DIP2C: variants seen among roughly 807,000 people sequenced by gnomAD.
The protein encoded by DIP2C is disco-interacting protein 2 homolog C.
DIP2C carries 33 observed loss-of-function variants against 192.4 expected under a neutral mutation model. That is an observed-to-expected ratio of 0.17 (90% CI 0.13 to 0.23). The LOEUF is 0.23. Ranked by LOEUF, DIP2C falls within the 10% of genes least tolerant of loss-of-function variation. The probability of loss-of-function intolerance (pLI) is 1.00; values close to 1 mark genes in which losing one functional copy is unlikely to be tolerated. For synonymous variants in DIP2C, 979 were observed against 864.1 expected (o/e 1.13, Z -2.33); for missense variants, 1,537 against 2,110.1 (o/e 0.73, Z 5.32).
intron 1 of DIP2C, among the ~76,000 whole-genome samples, chr10:500,465 G>A (rs962415996): frequency 2.0e-4 from 31 of 152,338 alleles, no homozygotes; most frequent in Middle Eastern, 3.4e-3. Context: ...AACACTGTAC[G>A]TGCCTAGGTT....
chr10:686,213 G>C (rs1040204948), intron 1 of DIP2C, among the ~76,000 whole-genome samples: 2 of 152,168 alleles, frequency 1.3e-5, no homozygotes, highest in African/African-American at 4.8e-5. Flanking sequence ...ACCCTCCCCA[G>C]AATGGAGCTC....
At chr10:356,378 T>C (rs1399081091) in intron 24 of DIP2C, 48 bp downstream of exon 24, 2 of 1,599,960 alleles carry the variant, frequency 1.3e-6, no homozygotes, top group Non-Finnish European at 1.7e-6. Context: ...GGAACCAGGC[T>C]AGGCCCCTTG....
chr10:679,463 C>CCTCCCTACACCCATG (rs1831034119), intron 1 of DIP2C, among the ~76,000 whole-genome samples: 3 of 100,410 alleles, frequency 3.0e-5, no homozygotes, highest in Non-Finnish European at 5.8e-5. Flanking sequence ...CTGCACCCGT[C>CCTCCCTACACCCATG]CTCCCCACAC....
Position 462,267 on chromosome 10 carries a change from AATAG to A in DIP2C, c.268+10168_268+10171del, listed in dbSNP as rs1367848828. Among the ~76,000 whole-genome samples, 68 of 152,310 alleles carry A rather than the reference AATAG, an allele frequency of 4.5e-4. 1 individual carries two copies. Among genetic ancestry groups the A allele is most frequent in the Middle Eastern group, 6.8e-3 (2 of 294 alleles). On this transcript the variant is annotated intron_variant, in intron 3 of 36. Transcript: ENST00000280886. ...GCTGGTTTTTGGAAAAGATCAACAA[AATAG>A]ATAGACCACTAGCCAGACAAAGAAG...
chr10:590,091 A>G (rs1457089603), intron 1 of DIP2C, among the ~76,000 whole-genome samples: 1 of 152,224 alleles, frequency 6.6e-6, no homozygotes, highest in African/African-American at 2.4e-5. Context: ...TCTTCCTCTA[A>G]ACGGGAGGTC....
intron 23 of DIP2C, among the ~76,000 whole-genome samples, 181 bp downstream of exon 23, chr10:357,647 G>A (rs143203138): frequency 1.2e-3 from 178 of 152,306 alleles, no homozygotes; most frequent in Non-Finnish European, 2.2e-3. Flanking sequence ...ACCAGCGCGC[G>A]ACATCGGAGA....
At chr10:600,473 C>T (rs1283744034) in intron 1 of DIP2C, among the ~76,000 whole-genome samples, 1 of 150,620 alleles carries the variant, frequency 6.6e-6, no homozygotes, top group Non-Finnish European at 1.5e-5. Context: ...CAGCCCTTTC[C>T]ACCTTAAAGA....
chr10:364,885 G>A (rs10795053), intron 19 of DIP2C: 597,328 of 601,652 alleles, frequency 0.99, 296,632 homozygotes, highest in South Asian at 1. Context: ...CCAATCAGCA[G>A]TAACTGATTA....
At chr10:348,417 A>C (rs1958625031) in intron 26 of DIP2C, among the ~76,000 whole-genome samples, 1 of 152,152 alleles carries the variant, frequency 6.6e-6, no homozygotes, top group Non-Finnish European at 1.5e-5. Context: ...AAGACCCTGC[A>C]GAGGCTACCA....
At chr10:452,416 A>C (rs1968924768) in intron 3 of DIP2C, among the ~76,000 whole-genome samples, 1 of 152,152 alleles carries the variant, frequency 6.6e-6, no homozygotes, top group African/African-American at 2.4e-5. Context: ...CAACCTGCCC[A>C]GGGGTGAAGA....
Position 556,442 on chromosome 10 carries a change from C to CACCCACACCTTCCCAAGAGGGGG in DIP2C, c.86-69935_86-69913dup, listed in dbSNP as rs1848877761. 2.1e-5 allele frequency among the ~76,000 whole-genome samples: 3 copies of CACCCACACCTTCCCAAGAGGGGG among 143,736 alleles called. No individual in the cohort carries two copies. The South Asian group carries it at 7.1e-4, about 34-fold the overall frequency. 94.3% of individuals were successfully genotyped at this position (143,736 alleles called of 152,430 possible). A position where few individuals can be genotyped will look rare whatever the true frequency, so the allele number is the denominator to read the frequency against. On this transcript the variant is annotated intron_variant, in intron 1 of 36. Coordinates refer to ENST00000280886, the MANE Select transcript of DIP2C (RefSeq NM_014974.3). ...GGACCTCAGAGTGTCATCACGCAGC[C>CACCCACACCTTCCCAAGAGGGGG]ACCCACACCTTCCCAAGAGGGGGAT...
intron 30 of DIP2C, among the ~76,000 whole-genome samples, chr10:327,414 G>C (rs1957323315): frequency 6.6e-6 from 1 of 152,188 alleles, no homozygotes; most frequent in African/African-American, 2.4e-5. Flanking sequence ...ACAACCACCT[G>C]GAGCCACAGC....
chr10:585,647 G>A (rs1006771528), intron 1 of DIP2C, among the ~76,000 whole-genome samples: 4 of 152,110 alleles, frequency 2.6e-5, no homozygotes, highest in East Asian at 1.9e-4. Flanking sequence ...GAACACCGGC[G>A]TCCTGCAGGG....
intron 3 of DIP2C, among the ~76,000 whole-genome samples, chr10:463,886 C>T (rs1192360474): frequency 6.6e-6 from 1 of 152,132 alleles, no homozygotes; most frequent in Non-Finnish European, 1.5e-5. Context: ...AAAAAGCAAG[C>T]AATGGGGAAA....
chr10:496,610 G>A (rs373606232), intron 1 of DIP2C, among the ~76,000 whole-genome samples: 110 of 141,126 alleles, frequency 7.8e-4, no homozygotes, highest in African/African-American at 2.8e-3. Context: ...TACATTACTC[G>A]CAATACCCCA....
intron 28 of DIP2C, among the ~76,000 whole-genome samples, chr10:344,268 C>T (rs1371615366): frequency 1.3e-5 from 2 of 152,044 alleles, no homozygotes; most frequent in African/African-American, 4.8e-5. Context: ...GGTATTCCAC[C>T]TCAGTTCTAC....
intron 17 of DIP2C, among the ~76,000 whole-genome samples, chr10:373,870 GTTTC>G (rs1167113018): frequency 1.3e-5 from 2 of 152,212 alleles, no homozygotes; most frequent in Non-Finnish European, 1.5e-5. Flanking sequence ...CTCAACACCT[GTTTC>G]TTTGTTTGAT....
At chr10:419,299 A>G in intron 5 of DIP2C, 100 bp from the exon 6 acceptor site, 2 of 1,546,842 alleles carry the variant, frequency 1.3e-6, no homozygotes, top group Non-Finnish European at 1.8e-6. Flanking sequence ...ACAGGTGCTC[A>G]CCCTGGGTGT....
Position 369,611 on chromosome 10 carries a change from G to C in DIP2C, c.2014C>G (p.Pro672Ala). 1 of 1,614,018 alleles carries C rather than the reference G, an allele frequency of 6.2e-7. No homozygotes were observed. Among genetic ancestry groups the C allele is most frequent in the Non-Finnish European group, 8.5e-7 (1 of 1,179,958 alleles). ...IRRPTDDSNQ[P>A]PGRGVLSMHG... ...ATGGAGAGGACACCCCGGCCCGGGG[G>C]CTGGTTACTGTCATCCGTGGGCCTG... is the stretch of plus-strand genomic sequence containing the variant. The change falls in exon 18 of 37, where the codon CCC becomes GCC. Residue 672 changes from proline (P) to alanine (A), a missense_variant. Physicochemically the swap from Pro to Ala is conservative, Grantham distance 27 (BLOSUM62 -1). This residue lies in a region of DIP2C where 677 missense variants were observed against 989.9 expected (regional missense o/e 0.68). Coordinates refer to ENST00000280886, the MANE Select transcript of DIP2C (RefSeq NM_014974.3).
Sources: allele counts gnomAD v4.1 joint callset (sites outside exome capture counted in the v4.1 genomes callset), GRCh38; gene constraint gnomAD v4.1.1; regional missense constraint gnomAD v4.1.1; transcripts MANE v1.5; gene names NCBI Gene and HGNC (gene_info 2026-07-23, HGNC 2026-07-21).